Variants in NOTCH2 observed in about 807,000 individuals in gnomAD.
The protein encoded by NOTCH2 is neurogenic locus notch homolog protein 2.
A neutral mutation model predicts 235.8 loss-of-function variants in NOTCH2; 29 were observed. The ratio of observed to expected loss-of-function variants is 0.12; its 90% CI spans 0.09 to 0.17. The LOEUF (loss-of-function observed/expected upper bound fraction) is 0.17, where lower values mean the gene tolerates loss of function less well. Among genes scored for constraint, NOTCH2 ranks in the 10% least tolerant of loss-of-function variants. NOTCH2 has a pLI of 1.00. For missense variants in NOTCH2, 2,285 were observed against 3,150.2 expected (o/e 0.73, Z 6.57); for synonymous variants, 1,086 against 1,141.5 (o/e 0.95, Z 0.98).
rs143866883 is a variant in NOTCH2 at position 119,937,374 on chromosome 1, T to C, written c.3430A>G (p.Ser1144Gly). ...YCQCPLGYTG[S>G]YCEEQLDECA... ...TCATCGAGTTGCTCCTCACAGTAGC[T>C]CCCAGTATAGCCCAGGGGGCACTGA... is the stretch of plus-strand genomic sequence containing the variant. The change falls in exon 21 of 34, where the codon AGC (serine) becomes GGC (glycine). Residue 1144 changes from serine (S) to glycine (G), a missense_variant. Physicochemically the swap from Ser to Gly is moderately conservative, Grantham distance 56. Around this residue, in one of 6 missense-constraint regions of NOTCH2, gnomAD observed 1,173 missense variants for 1,515.3 expected, o/e 0.77. Transcript: ENST00000256646. 7.9e-5 allele frequency: 127 copies of C among 1,613,988 alleles called. No individual in the cohort carries two copies. The highest frequency in any genetic ancestry group is 1.0e-4 in the Non-Finnish European group (118 of 1,180,030).
At chr1:119,958,137 C>A (rs587755264) in intron 12 of NOTCH2, among the ~76,000 whole-genome samples, 1 of 152,172 alleles carries the variant, frequency 6.6e-6, no homozygotes, top group African/African-American at 2.4e-5. Flanking sequence ...TACCTATTAT[C>A]CTATCTAGCA....
chr1:119,929,226 A>T lies in NOTCH2; in HGVS notation c.3656-14T>A, dbSNP rs1402708309. On this transcript the variant is annotated splice_polypyrimidine_tract_variant and intron_variant, in intron 22 of 33. Transcript: ENST00000256646. ...CACAGAGTAGGCCTGGAGGAAAGAG[A>T]AGAGGTACAGAATTATGAAAATCCT... 1 of 1,602,148 alleles carries T rather than the reference A, an allele frequency of 6.2e-7. No homozygotes were observed. Among genetic ancestry groups the T allele is most frequent in the Non-Finnish European group, 8.6e-7 (1 of 1,169,124 alleles).
At position 119,943,418 on chromosome 1, in the gene NOTCH2, A is replaced by G. The variant is rs1650135952; in HGVS notation, c.2753-1664T>C. On this transcript the variant is annotated intron_variant, in intron 17 of 33. Transcript: ENST00000256646. ...GCTGAGAACAGCTCATGTTTATTCA[A>G]TAAGAATGAAAAAAACCACGTGGCA... Among the ~76,000 whole-genome samples the G allele has an allele frequency of 5.9e-5, 9 of 152,186 alleles. No individual in the cohort carries two copies. The South Asian group carries it at 1.9e-3, about 32-fold the overall frequency.
In NOTCH2 at chr1:119,920,289, G is replaced by C; in HGVS notation, c.5419C>G (p.Leu1807Val). Reference protein sequence around the residue: ...ADIRRTPSLALTPPQAEQEVD... With the variant: ...ADIRRTPSLAVTPPQAEQEVD... ...TCCTGCTCTGCCTGAGGAGGGGTGA[G>C]AGCCAGCGATGGTGTCCTACGGATG... Residue 1807 changes from leucine to valine, a missense_variant, in exon 30 of 34, where the codon CTC becomes GTC. Coordinates refer to ENST00000256646, the MANE Select transcript of NOTCH2 (RefSeq NM_024408.4). 6.2e-7 allele frequency: 1 copy of C among 1,614,192 alleles called. No individual in the cohort carries two copies. The highest frequency in any genetic ancestry group is 8.5e-7 in the Non-Finnish European group (1 of 1,180,034).
intron 5 of NOTCH2, among the ~76,000 whole-genome samples, chr1:119,981,692 G>A (rs1487652239): frequency 8.5e-5 from 13 of 152,098 alleles, no homozygotes; most frequent in Non-Finnish European, 1.9e-4. Context: ...GGACATCTGG[G>A]GCAAGGGTGC....
intron 33 of NOTCH2, 114 bp downstream of exon 33, chr1:119,917,551 G>T: frequency 1.3e-6 from 1 of 797,518 alleles, no homozygotes. Context: ...TGCCCAAACT[G>T]CTTCCATCTT....
intron 1 of NOTCH2, among the ~76,000 whole-genome samples, chr1:120,043,842 C>T (rs1448699610): frequency 3.5e-4 from 51 of 145,822 alleles, no homozygotes; most frequent in Admixed American, 3.4e-3. Flanking sequence ...CAACATACTA[C>T]ACTATGCATT....
intron 2 of NOTCH2, among the ~76,000 whole-genome samples, chr1:120,006,878 T>C (rs1225927402): frequency 6.6e-5 from 10 of 152,236 alleles, no homozygotes; most frequent in Non-Finnish European, 1.3e-4. Context: ...TCATTAACCA[T>C]TGGTTGGCAA....
chr1:120,005,114 A>G, intron 3 of NOTCH2: 1 of 771,180 alleles, frequency 1.3e-6, no homozygotes, highest in Non-Finnish European at 2.1e-6. Context: ...AAGCAGTCAA[A>G]GTATTTGGTA....
chr1:119,970,307 T>TA (rs369867378), intron 5 of NOTCH2, among the ~76,000 whole-genome samples: 6 of 152,096 alleles, frequency 3.9e-5, no homozygotes, highest in Non-Finnish European at 8.8e-5. Flanking sequence ...TATCTGAAAA[T>TA]AAAAAGTCTA....
chr1:119,977,174 C>T (rs1435375302), intron 5 of NOTCH2, among the ~76,000 whole-genome samples: 2 of 152,048 alleles, frequency 1.3e-5, no homozygotes, highest in African/African-American at 2.4e-5. Context: ...TGTTTATCTG[C>T]TTAAGGTTCT....
chr1:119,953,624 G>A lies in NOTCH2; in HGVS notation c.2284C>T (p.Leu762Phe). Residue 762 changes from leucine to phenylalanine, a missense_variant, in exon 14 of 34, where the codon CTT becomes TTT. This residue lies in a region of NOTCH2 where 1,173 missense variants were observed against 1,515.3 expected (regional missense o/e 0.77). Coordinates refer to ENST00000256646, the MANE Select transcript of NOTCH2 (RefSeq NM_024408.4). The stretch of plus-strand genomic sequence containing the variant: ...CCTCCATTCTGGCATGGATTCGAAA[G>A]GCATTCATTTTTGTCCACTTCACAG... Reference protein sequence around the residue: ...INCEVDKNECLSNPCQNGGTC... With the variant: ...INCEVDKNECFSNPCQNGGTC... 1.9e-6 allele frequency: 3 copies of A among 1,614,080 alleles called. No individual in the cohort carries two copies. Among genetic ancestry groups the A allele is most frequent in the Non-Finnish European group, 1.7e-6 (2 of 1,179,952 alleles).
chr1:119,976,782 T>C (rs1197273519), intron 5 of NOTCH2, among the ~76,000 whole-genome samples: 2 of 152,134 alleles, frequency 1.3e-5, no homozygotes, highest in African/African-American at 4.8e-5. Context: ...CTGGGCTTTT[T>C]TCATTTCTCA....
intron 26 of NOTCH2, 149 bp downstream of exon 26, chr1:119,923,488 A>G: frequency 1.4e-6 from 1 of 719,264 alleles, no homozygotes. Context: ...TTTAAACGTA[A>G]GTACTGGGGT....
intron 11 of NOTCH2, among the ~76,000 whole-genome samples, chr1:119,963,274 A>G (rs1553199255): frequency 1.3e-5 from 2 of 152,176 alleles, no homozygotes; most frequent in Non-Finnish European, 2.9e-5. Context: ...AGCCACAAAA[A>G]AGAGGGTTTT....
intron 32 of NOTCH2, 63 bp downstream of exon 32, chr1:119,918,343 T>C (rs2101147821): frequency 1.9e-6 from 3 of 1,587,194 alleles, no homozygotes; most frequent in South Asian, 1.1e-5. Flanking sequence ...CACGTAACTC[T>C]ATTCCCCTCG....
At chr1:120,042,335 C>T (rs1376207827) in intron 1 of NOTCH2, among the ~76,000 whole-genome samples, 1 of 88,030 alleles carries the variant, frequency 1.1e-5, no homozygotes, top group Non-Finnish European at 2.0e-5. Context: ...GTAACAATGA[C>T]CTGGCACAGG....
intron 12 of NOTCH2, 117 bp downstream of exon 12, chr1:119,959,274 AC>A: frequency 1.4e-6 from 1 of 726,418 alleles, no homozygotes; most frequent in South Asian, 1.5e-5. Context: ...GAAACAGACT[AC>A]TAACCCTCCA....
chr1:119,916,357 T>C lies in NOTCH2; in HGVS notation c.6365A>G (p.Glu2122Gly), dbSNP rs762882072. 6.2e-7 allele frequency: 1 copy of C among 1,614,044 alleles called. No individual in the cohort carries two copies. Among genetic ancestry groups the C allele is most frequent in the African/African-American group, 1.3e-5 (1 of 74,922 alleles). Residue 2122 changes from glutamate (E) to glycine (G), a missense_variant, in exon 34 of 34, where the codon GAG (glutamate) becomes GGG (glycine). Around this residue, in one of 6 missense-constraint regions of NOTCH2, gnomAD observed 504 missense variants for 538.0 expected, o/e 0.94. Coordinates refer to ENST00000256646, the MANE Select transcript of NOTCH2 (RefSeq NM_024408.4). The stretch of plus-strand genomic sequence containing the variant: ...CCTACTACCCTTGGCATCCTTTGCC[T>C]CCTTGGCAAGGTTAGGGAGGCTAGT... ...MPTSLPNLAK[E>G]AKDAKGSRRK...
Sources: gnomAD v4.1 joint callset for allele counts (sites outside exome capture counted in the v4.1 genomes callset) on GRCh38, gnomAD v4.1.1 for gene constraint, gnomAD v4.1.1 regional missense constraint, MANE v1.5 for transcripts, NCBI Gene and HGNC (gene_info 2026-07-23, HGNC 2026-07-21) for gene names.